The following SPRY4 variants were observed in gnomAD, a reference collection of about 807,000 sequenced individuals.
The protein encoded by SPRY4 is protein sprouty homolog 4.
Under a neutral mutation model 17.0 loss-of-function variants are expected in SPRY4, and 7 were observed. That is an observed-to-expected ratio of 0.41 (90% CI 0.23 to 0.77). The LOEUF is 0.77. Ranked by LOEUF, SPRY4 falls within the 30% of genes least tolerant of loss-of-function variation. SPRY4 has a pLI of 0.32. For missense variants in SPRY4, 435 were observed against 419.9 expected, an observed-to-expected ratio of 1.04 and a Z score of -0.31; for synonymous variants, 183 against 174.1, an observed-to-expected ratio of 1.05 and a Z score of -0.40.
chr5:142,315,430 G>GTAAC, intron 1 of SPRY4: 1 of 390,558 alleles, frequency 2.6e-6, no homozygotes, highest in Non-Finnish European at 4.6e-6. Context: ...AGCCTAAAAC[G>GTAAC]TAACTACTAT....
rs767129407 is a variant in SPRY4 at position 142,312,792 on chromosome 5, T to G, written c.*1417A>C. ...TGCACCTTCTGAGTCCTTTAGCACC[T>G]TGAGAGAAAGAGTTGCTACGTCTTT... is the stretch of plus-strand genomic sequence containing the variant. On this transcript the variant is annotated 3_prime_UTR_variant, in exon 2 of 2. Coordinates refer to ENST00000434127, the MANE Select transcript of SPRY4 (RefSeq NM_001127496.3). 1.3e-5 allele frequency: 2 copies of G among 152,614 alleles called. No homozygotes were observed. The highest frequency in any genetic ancestry group is 2.9e-5 in the Non-Finnish European group (2 of 68,076). 9.5% of individuals were successfully genotyped at this position (152,614 alleles called of 1,614,324 possible).
rs189335048 is a variant in SPRY4 at position 142,314,539 on chromosome 5, G to C, written c.570C>G (p.Ala190=). 1 of 1,614,226 alleles carries C rather than the reference G, an allele frequency of 6.2e-7. No homozygotes were observed. The highest frequency in any genetic ancestry group is 1.3e-5 in the African/African-American group (1 of 75,054). ...WVCNQECLCS[A]QTLVNYGTCM... Reference sequence around the variant, plus strand: ...ACGTGCCATAGTTGACCAGAGTCTGGGCTGAGCACAGGCACTCCTGGTTGC... The same window carrying C: ...ACGTGCCATAGTTGACCAGAGTCTGCGCTGAGCACAGGCACTCCTGGTTGC... Residue 190 remains alanine, a synonymous_variant, in exon 2 of 2, where the codon GCC becomes GCG. Coordinates refer to ENST00000434127, the MANE Select transcript of SPRY4 (RefSeq NM_001127496.3). This position sits in a 1 kb window ranked among gnomAD's most constrained non-coding sequence, Gnocchi z 4.8.
intron 1 of SPRY4, among the ~76,000 whole-genome samples, chr5:142,320,639 T>TA (rs1759315067): frequency 6.6e-6 from 1 of 152,080 alleles, no homozygotes; most frequent in Admixed American, 6.5e-5. Context: ...CAAGAGTCAG[T>TA]AAAGAAGGAG....
intron 1 of SPRY4, chr5:142,318,323 T>C (rs1028428154): frequency 3.6e-5 from 11 of 304,804 alleles, no homozygotes; most frequent in Admixed American, 1.3e-4. Flanking sequence ...CCATCTCTAC[T>C]AAAAATACAA....
chr5:142,314,913 G>T lies in SPRY4; in HGVS notation c.196C>A (p.Arg66=). The T allele has an allele frequency of 6.2e-7, 1 of 1,611,674 alleles. No homozygotes were observed. Among genetic ancestry groups the T allele is most frequent in the Non-Finnish European group, 8.5e-7 (1 of 1,178,060 alleles). The stretch of plus-strand genomic sequence containing the variant: ...AGCTCTGGGGCCCCGCCCCGGGTCC[G>T]CTTTGGGCCGGTGGTCAGGGCCAGG... ...PSLALTTGPK[R]TRGGAPELAP... is the part of the protein sequence containing the mutation. The change falls in exon 2 of 2, where the codon CGG becomes AGG. Residue 66 remains arginine (R), a synonymous_variant. Transcript: ENST00000434127. This position sits in a 1 kb window ranked among gnomAD's most constrained non-coding sequence, Gnocchi z 4.8.
Position 142,314,218 on chromosome 5 carries a change from C to A in SPRY4, c.891G>T (p.Lys297Asn). The change falls in exon 2 of 2, where the codon AAG becomes AAT. Residue 297 changes from lysine to asparagine, a missense_variant. Physicochemically the swap from Lys to Asn is moderately conservative, Grantham distance 94. Transcript: ENST00000434127. The surrounding 1 kb of genome is among the most constrained non-coding windows in gnomAD (Gnocchi z 4.8). ...GCTTCGACACAAACTGTCAGAAAGG[C>A]TTGTCGGGCCTGCTGGTCTTGGCAT... Reference protein sequence around the residue: ...SGDAKTSRPDKPF With the variant: ...SGDAKTSRPDNPF 1 of 1,607,178 alleles carries A rather than the reference C, an allele frequency of 6.2e-7. No homozygotes were observed. Among genetic ancestry groups the A allele is most frequent in the Non-Finnish European group, 8.5e-7 (1 of 1,177,266 alleles).
Position 142,324,883 on chromosome 5 carries a change from G to C in SPRY4, c.-87C>G, listed in dbSNP as rs1759478977. 1 of 152,760 alleles carries C rather than the reference G, an allele frequency of 6.5e-6. No homozygotes were observed. 9.5% of individuals were successfully genotyped at this position (152,760 alleles called of 1,614,324 possible). On this transcript the variant is annotated 5_prime_UTR_variant, in exon 1 of 2. Transcript: ENST00000434127. Reference sequence around the variant, plus strand: ...GGGTCACAAGCATCGCCCCACGTCTGTGTAAATCCTGAAGCCGGGGCAGGT... The same window carrying C: ...GGGTCACAAGCATCGCCCCACGTCTCTGTAAATCCTGAAGCCGGGGCAGGT...
Position 142,314,203 on chromosome 5 carries a change from A to G in SPRY4, c.*6T>C. On this transcript the variant is annotated 3_prime_UTR_variant, in exon 2 of 2. Coordinates refer to ENST00000434127, the MANE Select transcript of SPRY4 (RefSeq NM_001127496.3). The surrounding 1 kb of genome is among the most constrained non-coding windows in gnomAD (Gnocchi z 4.8). The stretch of plus-strand genomic sequence containing the variant: ...AGGCAGAGCACTGGGGCTTCGACAC[A>G]AACTGTCAGAAAGGCTTGTCGGGCC... 1 of 1,601,536 alleles carries G rather than the reference A, an allele frequency of 6.2e-7. No homozygotes were observed. The highest frequency in any genetic ancestry group is 8.5e-7 in the Non-Finnish European group (1 of 1,174,550).
intron 1 of SPRY4, among the ~76,000 whole-genome samples, chr5:142,322,260 T>TAG (rs1157809853): frequency 6.6e-6 from 1 of 152,044 alleles, no homozygotes; most frequent in Non-Finnish European, 1.5e-5. Context: ...ATCATGAGCT[T>TAG]AGGAGTTCGA....
rs147241267 is a variant in SPRY4 at position 142,314,388 on chromosome 5, G to C, written c.721C>G (p.Leu241Val). The change falls in exon 2 of 2, where the codon CTC becomes GTC. Residue 241 changes from leucine to valine, a missense_variant. Coordinates refer to ENST00000434127, the MANE Select transcript of SPRY4 (RefSeq NM_001127496.3). This position sits in a 1 kb window ranked among gnomAD's most constrained non-coding sequence, Gnocchi z 4.8. ...AGCAGGCAGGGCAGCACCACGGAGA[G>C]AGCACCCATGAAGGACCAGCGGGCG... is the stretch of plus-strand genomic sequence containing the variant. ...CCARWSFMGA[L>V]SVVLPCLLCY... The C allele has an allele frequency of 3.1e-6, 5 of 1,613,870 alleles. No individual in the cohort carries two copies. In the African/African-American group the frequency reaches 5.3e-5, roughly 17 times the overall value.
chr5:142,320,854 CT>C (rs1759322571), intron 1 of SPRY4, among the ~76,000 whole-genome samples: 1 of 152,158 alleles, frequency 6.6e-6, no homozygotes, highest in Non-Finnish European at 1.5e-5. Flanking sequence ...CAGGAAATGA[CT>C]TCCCCTTCCC....
intron 1 of SPRY4, chr5:142,319,658 C>T (rs1759276766): frequency 6.5e-7 from 1 of 1,527,252 alleles, no homozygotes; most frequent in Non-Finnish European, 8.9e-7. Context: ...ATATCAAAAT[C>T]CCCAGAACAC....
chr5:142,322,125 G>A (rs947504724), intron 1 of SPRY4, among the ~76,000 whole-genome samples: 2 of 152,202 alleles, frequency 1.3e-5, no homozygotes, highest in Non-Finnish European at 2.9e-5. Flanking sequence ...GTGCGAACTG[G>A]GCAGGACAGA....
Position 142,314,400 on chromosome 5 carries a change from A to T in SPRY4, c.709T>A (p.Phe237Ile). Reference protein sequence around the residue: ...SRSNCCARWSFMGALSVVLPC... With the variant: ...SRSNCCARWSIMGALSVVLPC... ...AGCACCACGGAGAGAGCACCCATGA[A>T]GGACCAGCGGGCGCAGCAGTTGGAG... The change falls in exon 2 of 2, where the codon TTC (phenylalanine) becomes ATC (isoleucine). Residue 237 changes from phenylalanine (F) to isoleucine (I), a missense_variant. Physicochemically the swap from Phe to Ile is conservative, Grantham distance 21. Transcript: ENST00000434127. This position sits in a 1 kb window ranked among gnomAD's most constrained non-coding sequence, Gnocchi z 4.8. 6.2e-7 allele frequency: 1 copy of T among 1,613,982 alleles called. No individual in the cohort carries two copies. The highest frequency in any genetic ancestry group is 8.5e-7 in the Non-Finnish European group (1 of 1,179,934).
In SPRY4 at chr5:142,314,107, T is replaced by C. The variant is rs1054439694; in HGVS notation, c.*102A>G. 39 of 1,301,252 alleles carry C rather than the reference T, an allele frequency of 3.0e-5. 1 individual carries two copies. Among genetic ancestry groups the C allele is most frequent in the Non-Finnish European group, 3.9e-5 (38 of 963,812 alleles). 80.6% of individuals were successfully genotyped at this position (1,301,252 alleles called of 1,614,324 possible). ...GTAGGGAGTGGGCAGACTAGCAAGG[T>C]CAGCCTCAGGAGGCTAAAACCTCTG... On this transcript the variant is annotated 3_prime_UTR_variant, in exon 2 of 2. Coordinates refer to ENST00000434127, the MANE Select transcript of SPRY4 (RefSeq NM_001127496.3). The surrounding 1 kb of genome is among the most constrained non-coding windows in gnomAD (Gnocchi z 4.8).
intron 1 of SPRY4, chr5:142,319,868 T>G (rs1759288152): frequency 3.9e-6 from 5 of 1,280,584 alleles, no homozygotes; most frequent in Non-Finnish European, 4.2e-6. Context: ...ACCCACACCC[T>G]CCCCTTGACT....
chr5:142,319,742 A>G (rs1334163168), intron 1 of SPRY4: 1 of 1,612,370 alleles, frequency 6.2e-7, no homozygotes, highest in Non-Finnish European at 8.5e-7. Context: ...CTGCATTTGT[A>G]CCTGTGGGGA....
intron 1 of SPRY4, chr5:142,317,384 C>T: frequency 1.0e-6 from 1 of 985,378 alleles, no homozygotes; most frequent in Non-Finnish European, 1.2e-6. Flanking sequence ...ATTAAAAATG[C>T]CACGGATAAG....
intron 1 of SPRY4, among the ~76,000 whole-genome samples, chr5:142,318,526 C>T (rs1298053200): frequency 1.3e-5 from 2 of 152,042 alleles, no homozygotes; most frequent in Admixed American, 1.3e-4. Flanking sequence ...AAAAACAACT[C>T]TCAGTTGATT....
Sources: gnomAD v4.1 joint callset for allele counts (sites outside exome capture counted in the v4.1 genomes callset) on GRCh38, gnomAD v4.1.1 for gene constraint, Gnocchi (gnomAD v3.1) non-coding constraint, MANE v1.5 for transcripts, NCBI Gene and HGNC (gene_info 2026-07-23, HGNC 2026-07-21) for gene names.